LIMCH1: variants seen among roughly 807,000 people sequenced by gnomAD.
The protein encoded by LIMCH1 is LIM and calponin homology domains-containing protein 1.
A neutral mutation model predicts 176.5 loss-of-function variants in LIMCH1; 113 were observed. That is an observed-to-expected ratio of 0.64 (90% CI 0.55 to 0.75). LIMCH1 has a LOEUF of 0.75. Ranked by LOEUF, LIMCH1 falls within the 30% of genes least tolerant of loss-of-function variation. The pLI is 0.00. For missense variants in LIMCH1, 1,674 were observed against 1,814.9 expected, an observed-to-expected ratio of 0.92 and a Z score of 1.41; for synonymous variants, 619 against 645.9, an observed-to-expected ratio of 0.96 and a Z score of 0.63.
At chr4:41,525,438 A>G (rs984070669) in intron 3 of LIMCH1, among the ~76,000 whole-genome samples, 1 of 152,220 alleles carries the variant, frequency 6.6e-6, no homozygotes, top group African/African-American at 2.4e-5. Context: ...ACGATGACTA[A>G]TTGAAATTAG....
intron 1 of LIMCH1, among the ~76,000 whole-genome samples, chr4:41,399,926 C>A (rs1032836466): frequency 4.0e-5 from 6 of 148,886 alleles, no homozygotes. Context: ...TCGTGATTCG[C>A]CCACCTCAGC....
At chr4:41,405,634 C>G (rs933009110) in intron 1 of LIMCH1, among the ~76,000 whole-genome samples, 2 of 152,058 alleles carry the variant, frequency 1.3e-5, no homozygotes, top group Non-Finnish European at 2.9e-5. Flanking sequence ...CCCTACAGGC[C>G]TTACTCAGTA....
intron 1 of LIMCH1, among the ~76,000 whole-genome samples, chr4:41,463,607 A>G (rs2065690820): frequency 6.8e-6 from 1 of 147,740 alleles, no homozygotes; most frequent in Non-Finnish European, 1.5e-5. Flanking sequence ...CAGGGGTCTC[A>G]CTCTGTCGCC....
intron 19 of LIMCH1, 61 bp from the exon 20 acceptor site, chr4:41,662,760 G>C: frequency 1.9e-6 from 3 of 1,564,922 alleles, no homozygotes; most frequent in Non-Finnish European, 2.6e-6. Context: ...AGAATAAATG[G>C]TCCTATAGAT....
At chr4:41,422,158 T>TATTTGACAGCTG (rs1349124345) in intron 1 of LIMCH1, among the ~76,000 whole-genome samples, 45 of 152,182 alleles carry the variant, frequency 3.0e-4, no homozygotes, top group African/African-American at 1.0e-3. Context: ...GGTGCTGTCA[T>TATTTGACAGCTG]TCGTCAAATA....
chr4:41,390,323 G>A lies in LIMCH1; in HGVS notation c.96+29387G>A, dbSNP rs111721200. ...AGCCTCTCTGCCTCCCTGGAATTCCGGGGAGTACAGTTTTCTTTATCTTGT... is the reference window on the plus strand; with the variant it reads ...AGCCTCTCTGCCTCCCTGGAATTCCAGGGAGTACAGTTTTCTTTATCTTGT... On this transcript the variant is annotated intron_variant, in intron 1 of 26. Coordinates refer to the LIMCH1 transcript ENST00000313860. Among the ~76,000 whole-genome samples, 514 of 151,852 alleles carry A rather than the reference G, an allele frequency of 3.4e-3. 9 individuals are homozygous for A. Among genetic ancestry groups the A allele is most frequent in the African/African-American group, 0.012 (480 of 41,382 alleles).
chr4:41,636,340 CTT>C (rs35828085), intron 13 of LIMCH1, among the ~76,000 whole-genome samples: 1,873 of 104,892 alleles, frequency 0.018, 15 homozygotes, highest in Non-Finnish European at 0.025. Context: ...TGCTTTATTA[CTT>C]TTTTTTTTTT....
intron 13 of LIMCH1, 62 bp downstream of exon 13, chr4:41,633,870 C>A: frequency 6.7e-7 from 1 of 1,487,572 alleles, no homozygotes. Flanking sequence ...TCAGTGTGTT[C>A]TTAATGCATT....
chr4:41,522,351 T>A (rs957741289), intron 2 of LIMCH1, among the ~76,000 whole-genome samples: 3 of 152,154 alleles, frequency 2.0e-5, no homozygotes, highest in African/African-American at 7.2e-5. Context: ...TATATATTTT[T>A]AAATTCTATA....
intron 1 of LIMCH1, among the ~76,000 whole-genome samples, chr4:41,396,974 A>C (rs1203208509): frequency 6.6e-6 from 1 of 152,076 alleles, no homozygotes; most frequent in Non-Finnish European, 1.5e-5. Flanking sequence ...GGTTATTGTG[A>C]TTGATTCCCT....
At chr4:41,697,102 T>C in intron 31 of LIMCH1, 58 bp from the exon 32 acceptor site, 1 of 1,596,356 alleles carries the variant, frequency 6.3e-7, no homozygotes, top group Non-Finnish European at 8.6e-7. Flanking sequence ...TTTTAAAATG[T>C]CTGAAGCGAG....
rs981228909 is a variant in LIMCH1 at position 41,644,393 on chromosome 4, A to G, written c.2127-107A>G. 6.0e-6 allele frequency: 8 copies of G among 1,340,264 alleles called. No individual in the cohort carries two copies. In the Admixed American group the frequency reaches 2.4e-4, roughly 39 times the overall value. The allele number at this position is 1,340,264 out of a possible 1,614,324, so 83.0% of individuals were successfully genotyped here. On this transcript the variant is annotated intron_variant, in intron 14 of 31. Transcript: ENST00000503057. ...GCTGTGCGCAGCCCGGGAAGGGGGC[A>G]GTTTTCCAAGCCCGGTAGCGCCCCC...
At chr4:41,554,449 A>G (rs1349240647) in intron 1 of LIMCH1, among the ~76,000 whole-genome samples, 1 of 152,118 alleles carries the variant, frequency 6.6e-6, no homozygotes, top group African/African-American at 2.4e-5. Context: ...TGGACTATTC[A>G]TTTTGTCAGT....
chr4:41,627,020 GT>G lies in LIMCH1; in HGVS notation c.1028+11del, dbSNP rs1323449667. The G allele has an allele frequency of 7.8e-4, 542 of 696,308 alleles. 2 individuals carry two copies. The African/African-American group carries it at 0.038, about 49-fold the overall frequency. The allele number at this position is 696,308 out of a possible 1,614,324, so 43.1% of individuals were successfully genotyped here. A position where few individuals can be genotyped will look rare whatever the true frequency, so the allele number is the denominator to read the frequency against. ...GTCTAGAATATAAAAGGTGTGCATG[GT>G]GTGTGTGTGTGTGTGTGTGTGTGTG... On this transcript the variant is annotated intron_variant, in intron 8 of 31. Coordinates refer to ENST00000503057, the MANE Select transcript of LIMCH1 (RefSeq NM_001330672.2).
intron 1 of LIMCH1, among the ~76,000 whole-genome samples, chr4:41,546,132 A>G (rs1396724490): frequency 2.6e-5 from 4 of 152,008 alleles, no homozygotes; most frequent in Non-Finnish European, 5.9e-5. Flanking sequence ...AGAAGCCTTC[A>G]TTGGTCTGTT....
chr4:41,563,946 C>T (rs1156878311), intron 1 of LIMCH1, among the ~76,000 whole-genome samples: 2 of 152,208 alleles, frequency 1.3e-5, no homozygotes, highest in African/African-American at 4.8e-5. Flanking sequence ...CAGTCCTCTT[C>T]TCTCCATCCT....
At chr4:41,397,619 A>G (rs2057941255) in intron 1 of LIMCH1, among the ~76,000 whole-genome samples, 1 of 152,282 alleles carries the variant, frequency 6.6e-6, no homozygotes, top group Admixed American at 6.5e-5. Flanking sequence ...TTGTGTGTTT[A>G]AAGAGCTGAA....
intron 2 of LIMCH1, among the ~76,000 whole-genome samples, chr4:41,602,371 G>C (rs969199286): frequency 4.6e-5 from 7 of 152,110 alleles, no homozygotes; most frequent in Non-Finnish European, 1.0e-4. Context: ...TAATAGGTGG[G>C]AGTCATTCAA....
intron 2 of LIMCH1, among the ~76,000 whole-genome samples, chr4:41,601,469 AAAGAG>A (rs2089914226): frequency 6.6e-6 from 1 of 152,150 alleles, no homozygotes; most frequent in Non-Finnish European, 1.5e-5. Flanking sequence ...CAGGACAGAG[AAAGAG>A]CAGGTACAAA....
Sources: gnomAD v4.1 joint callset for allele counts (sites outside exome capture counted in the v4.1 genomes callset) on GRCh38, gnomAD v4.1.1 for gene constraint, MANE v1.5 for transcripts, NCBI Gene and HGNC (gene_info 2026-07-23, HGNC 2026-07-21) for gene names.